The following LMBRD1 variants were observed in gnomAD, a reference collection of about 807,000 sequenced individuals.
The protein encoded by LMBRD1 is lysosomal cobalamin transport escort protein LMBD1.
A neutral mutation model predicts 74.8 loss-of-function variants in LMBRD1; 64 were observed. The observed-to-expected ratio is 0.86, with a 90% CI of 0.70 to 1.05. The LOEUF (loss-of-function observed/expected upper bound fraction) is 1.05. Among genes scored for constraint, LMBRD1 ranks in the 50% least tolerant of loss-of-function variants. The pLI, the probability that LMBRD1 is intolerant of heterozygous loss-of-function variation, is 0.00. For synonymous variants in LMBRD1, 204 were observed against 216.3 expected (o/e 0.94, Z 0.50); for missense variants, 652 against 645.9 (o/e 1.01, Z -0.10).
chr6:69,787,678 G>A (rs1224209629), intron 2 of LMBRD1, among the ~76,000 whole-genome samples: 1 of 152,026 alleles, frequency 6.6e-6, no homozygotes, highest in South Asian at 2.1e-4. Flanking sequence ...CCCAGGAGGC[G>A]GAGGTTGCAG....
intron 9 of LMBRD1, among the ~76,000 whole-genome samples, chr6:69,707,285 T>G (rs1273812832): frequency 6.6e-6 from 1 of 152,146 alleles, no homozygotes; most frequent in Admixed American, 6.6e-5. Flanking sequence ...CTTTTAAAGG[T>G]TCATGTTATT....
chr6:69,708,741 A>G (rs1431459572), intron 9 of LMBRD1, among the ~76,000 whole-genome samples: 1 of 152,210 alleles, frequency 6.6e-6, no homozygotes, highest in Non-Finnish European at 1.5e-5. Flanking sequence ...TAATAAGACA[A>G]ACATGAATTA....
rs1234202419 is a variant in LMBRD1, at chr6:69,674,092, C to T, written c.*2066G>A. On this transcript the variant is annotated 3_prime_UTR_variant, in exon 16 of 16. Coordinates refer to ENST00000649934, the MANE Select transcript of LMBRD1 (RefSeq NM_018368.4). ...TAAAGGGTTGACAACACTGGATTCT[C>T]CTGAGGCCTCTCCTGTTGGCTTGCA... Among the ~76,000 whole-genome samples the T allele has an allele frequency of 6.6e-6, 1 of 152,176 alleles. No individual in the cohort carries two copies. The highest frequency in any genetic ancestry group is 1.5e-5 in the Non-Finnish European group (1 of 68,036).
In LMBRD1 at chr6:69,753,976, T is replaced by C. The variant is rs550941351; in HGVS notation, c.308-1620A>G. ...AAAGTTAGGAAATGATATATGGCTATATGCTACAACACAGATGAACTTAGC... is the reference window on the plus strand; with the variant it reads ...AAAGTTAGGAAATGATATATGGCTACATGCTACAACACAGATGAACTTAGC... On this transcript the variant is annotated intron_variant, in intron 3 of 15. Coordinates refer to ENST00000649934, the MANE Select transcript of LMBRD1 (RefSeq NM_018368.4). 4.6e-5 allele frequency among the ~76,000 whole-genome samples: 7 copies of C among 151,758 alleles called. No individual in the cohort carries two copies. In the South Asian group the frequency reaches 1.2e-3, roughly 27 times the overall value.
intron 5 of LMBRD1, 100 bp downstream of exon 5, chr6:69,749,240 AT>A: frequency 1.1e-6 from 1 of 907,804 alleles, no homozygotes; most frequent in African/African-American, 1.8e-5. Context: ...TTTTTCTTAC[AT>A]TTTTTTCTTT....
At position 69,701,553 on chromosome 6, in the gene LMBRD1, A is replaced by T. The variant is rs760419494; in HGVS notation, c.981-8T>A. On this transcript the variant is annotated splice_region_variant and splice_polypyrimidine_tract_variant and intron_variant, in intron 10 of 15. Transcript: ENST00000649934. ...TGAAGAGCTTTATCTAAACTAAAAA[A>T]AATTACAAAGAATGAAATTTATGTT... The T allele has an allele frequency of 3.1e-5, 47 of 1,526,548 alleles. No individual in the cohort carries two copies. In the African/African-American group the frequency reaches 6.2e-4, roughly 20 times the overall value. The allele number at this position is 1,526,548 out of a possible 1,614,324, so 94.6% of individuals were successfully genotyped here.
At chr6:69,691,523 G>C (rs557730052) in intron 14 of LMBRD1, among the ~76,000 whole-genome samples, 1 of 152,102 alleles carries the variant, frequency 6.6e-6, no homozygotes, top group Non-Finnish European at 1.5e-5. Flanking sequence ...AATGGTTTCA[G>C]AAGGATAGGT....
At chr6:69,684,671 G>A (rs1765725986) in intron 14 of LMBRD1, among the ~76,000 whole-genome samples, 1 of 152,000 alleles carries the variant, frequency 6.6e-6, no homozygotes, top group Non-Finnish European at 1.5e-5. Flanking sequence ...CAAGAAAGAA[G>A]ATATGATTTA....
At chr6:69,719,184 G>A (rs1766560144) in intron 7 of LMBRD1, 103 bp from the exon 8 acceptor site, 2 of 1,028,390 alleles carry the variant, frequency 1.9e-6, no homozygotes, top group Admixed American at 4.0e-5. Flanking sequence ...GTCAGCAGTT[G>A]TGAAAGAGTA....
intron 10 of LMBRD1, 103 bp from the exon 11 acceptor site, chr6:69,701,648 A>T: frequency 2.7e-6 from 2 of 740,078 alleles, no homozygotes; most frequent in Non-Finnish European, 4.6e-6. Context: ...GAGTCAAAGA[A>T]AACAATGGAT....
chr6:69,741,676 A>C, intron 6 of LMBRD1, 113 bp downstream of exon 6: 4 of 633,262 alleles, frequency 6.3e-6, no homozygotes, highest in East Asian at 3.2e-5. Context: ...GGCATGAGCC[A>C]CCACGCCCAG....
intron 14 of LMBRD1, among the ~76,000 whole-genome samples, chr6:69,687,882 T>C (rs1044014274): frequency 6.6e-6 from 1 of 152,152 alleles, no homozygotes; most frequent in Non-Finnish European, 1.5e-5. Flanking sequence ...CCCCATGTTC[T>C]TCCGTCTAAA....
intron 3 of LMBRD1, among the ~76,000 whole-genome samples, chr6:69,764,833 T>A (rs1417515396): frequency 2.6e-5 from 4 of 152,196 alleles, no homozygotes; most frequent in African/African-American, 9.6e-5. Flanking sequence ...GTATAACTTA[T>A]TAAGGTTTCT....
chr6:69,732,809 G>A (rs912841737), intron 7 of LMBRD1, among the ~76,000 whole-genome samples: 5 of 152,110 alleles, frequency 3.3e-5, no homozygotes, highest in African/African-American at 1.2e-4. Context: ...ACATTTTGCT[G>A]AAGACATCAT....
At position 69,713,225 on chromosome 6, in the gene LMBRD1, A is replaced by G. The variant is rs149222740; in HGVS notation, c.915+420T>C. ...AGTGCTGGAAAAAATGAACACGCCA[A>G]CAGAATGAAACTAGGCCCTTATTTT... On this transcript the variant is annotated intron_variant, in intron 9 of 15. Transcript: ENST00000649934. 3.9e-3 allele frequency among the ~76,000 whole-genome samples: 588 copies of G among 152,222 alleles called. 8 individuals are homozygous for G. Among genetic ancestry groups the G allele is most frequent in the African/African-American group, 0.014 (569 of 41,560 alleles).
At chr6:69,749,243 T>A (rs1391090149) in intron 5 of LMBRD1, 98 bp downstream of exon 5, 18 of 937,610 alleles carry the variant, frequency 1.9e-5, no homozygotes, top group Admixed American at 4.9e-5. Context: ...TTCTTACATT[T>A]TTTTCTTTCC....
intron 9 of LMBRD1, chr6:69,705,777 T>C (rs1766241113): frequency 8.4e-7 from 1 of 1,186,958 alleles, no homozygotes. Context: ...ATCCTCCTCC[T>C]CTTCATCTAC....
At chr6:69,676,961 G>A (rs1284093383) in intron 14 of LMBRD1, among the ~76,000 whole-genome samples, 1 of 152,072 alleles carries the variant, frequency 6.6e-6, no homozygotes, top group East Asian at 1.9e-4. Context: ...CACTTGTAGG[G>A]GCAGAAAGGT....
At chr6:69,726,101 G>C (rs1766728727) in intron 7 of LMBRD1, among the ~76,000 whole-genome samples, 1 of 152,102 alleles carries the variant, frequency 6.6e-6, no homozygotes, top group Non-Finnish European at 1.5e-5. Flanking sequence ...TCTTAAAATA[G>C]ACATACAAAT....
Sources: allele counts gnomAD v4.1 joint callset (sites outside exome capture counted in the v4.1 genomes callset), GRCh38; gene constraint gnomAD v4.1.1; transcripts MANE v1.5; gene names NCBI Gene and HGNC (gene_info 2026-07-23, HGNC 2026-07-21).